Variants in PIP5KL1 observed in about 807,000 individuals in gnomAD.
The protein encoded by PIP5KL1 is phosphatidylinositol 4-phosphate 5-kinase-like protein 1.
In PIP5KL1, 45 loss-of-function variants were observed where a neutral mutation model predicts 47.6. The ratio of observed to expected loss-of-function variants is 0.94; its 90% CI spans 0.74 to 1.21. The LOEUF (loss-of-function observed/expected upper bound fraction) is 1.21. Among genes scored for constraint, PIP5KL1 ranks in the 50% most tolerant of loss-of-function variants. The pLI, the probability that PIP5KL1 is intolerant of heterozygous loss-of-function variation, is 0.00. For missense variants in PIP5KL1, 577 were observed against 547.6 expected (o/e 1.05, Z -0.54); for synonymous variants, 256 against 234.6 (o/e 1.09, Z -0.84).
At chr9:127,922,694 CA>C (rs386416269) in intron 9 of PIP5KL1, among the ~76,000 whole-genome samples, 281 of 89,520 alleles carry the variant, frequency 3.1e-3, no homozygotes, top group Admixed American at 5.5e-3. Flanking sequence ...GACTCTGTCT[CA>C]AAAAAAAAAA....
chr9:127,930,008 A>G (rs889298021), intron 1 of PIP5KL1, 123 bp from the exon 2 acceptor site: 3 of 993,912 alleles, frequency 3.0e-6, no homozygotes, highest in African/African-American at 1.6e-5. Flanking sequence ...CAATTTCTTC[A>G]GCTGTAAAAT....
In PIP5KL1 at chr9:127,929,976, T is replaced by G. The variant is rs965633194; in HGVS notation, c.31-91A>C. ...GTCCCACTTCCACTACTTGTGAGAC[T>G]TCCCCTCATCTCTCTCTGCCTCAAT... On this transcript the variant is annotated intron_variant, in intron 1 of 9. Coordinates refer to ENST00000388747, the MANE Select transcript of PIP5KL1 (RefSeq NM_001135219.2). The surrounding 1 kb of genome is among the most constrained non-coding windows in gnomAD (Gnocchi z 4.0). 8.9e-5 allele frequency: 104 copies of G among 1,164,728 alleles called. No individual in the cohort carries two copies. The highest frequency in any genetic ancestry group is 7.0e-4 in the Admixed American group (25 of 35,486). The allele number at this position is 1,164,728 out of a possible 1,614,324, so 72.1% of individuals were successfully genotyped here.
At position 127,921,815 on chromosome 9, in the gene PIP5KL1, G is replaced by C. The variant is rs1188853223; in HGVS notation, c.*32C>G. ...CCGGCGTTCCTGGCGTGAGCCCATCGTCCAGATCCGGAGAGTGGGGCCGGG... is the reference window on the plus strand; with the variant it reads ...CCGGCGTTCCTGGCGTGAGCCCATCCTCCAGATCCGGAGAGTGGGGCCGGG... On this transcript the variant is annotated 3_prime_UTR_variant, in exon 10 of 10. Coordinates refer to ENST00000388747, the MANE Select transcript of PIP5KL1 (RefSeq NM_001135219.2). 6.4e-5 allele frequency: 100 copies of C among 1,554,036 alleles called. No individual in the cohort carries two copies. The highest frequency in any genetic ancestry group is 8.4e-5 in the Non-Finnish European group (97 of 1,155,058).
rs1831384581 is a variant in PIP5KL1 at position 127,927,733 on chromosome 9, T to G, written c.474A>C (p.Arg158=). Residue 158 remains arginine, a synonymous_variant, in exon 5 of 10, where the codon CGA becomes CGC. Coordinates refer to ENST00000388747, the MANE Select transcript of PIP5KL1 (RefSeq NM_001135219.2). This position sits in a 1 kb window ranked among gnomAD's most constrained non-coding sequence, Gnocchi z 5.5. The part of the protein sequence containing the change: ...QRFFLKTQGR[R]EVQALLAHLP... Reference sequence around the variant, plus strand: ...GGTGGGCGAGCAGAGCCTGCACCTCTCGGCGCCCCTGGGTCTTCAGGAAGA... The same window carrying G: ...GGTGGGCGAGCAGAGCCTGCACCTCGCGGCGCCCCTGGGTCTTCAGGAAGA... 1 of 1,555,440 alleles carries G rather than the reference T, an allele frequency of 6.4e-7. No homozygotes were observed. Among genetic ancestry groups the G allele is most frequent in the Non-Finnish European group, 8.7e-7 (1 of 1,150,816 alleles).
intron 9 of PIP5KL1, among the ~76,000 whole-genome samples, chr9:127,922,835 T>G (rs925636751): frequency 3.3e-5 from 5 of 152,220 alleles, no homozygotes; most frequent in African/African-American, 1.2e-4. Context: ...AAATGAATTA[T>G]AGTATTTCAC....
chr9:127,927,854 T>C lies in PIP5KL1; in HGVS notation c.435-82A>G, dbSNP rs576947517. On this transcript the variant is annotated intron_variant, in intron 4 of 9. Coordinates refer to ENST00000388747, the MANE Select transcript of PIP5KL1 (RefSeq NM_001135219.2). The surrounding 1 kb of genome is among the most constrained non-coding windows in gnomAD (Gnocchi z 5.5). ...GGCCCCCTTCCCCGACCTGTGCACGTGGATCTCGCTCCCAGGTCTCGGCAC... is the reference window on the plus strand; with the variant it reads ...GGCCCCCTTCCCCGACCTGTGCACGCGGATCTCGCTCCCAGGTCTCGGCAC... 1.3e-4 allele frequency: 203 copies of C among 1,507,310 alleles called. 1 individual carries two copies. The African/African-American group carries it at 2.4e-3, about 18-fold the overall frequency. 93.4% of individuals were successfully genotyped at this position (1,507,310 alleles called of 1,614,324 possible).
rs73669496 is a variant in PIP5KL1 at position 127,927,128 on chromosome 9, G to A, written c.650+25C>T. The A allele has an allele frequency of 1.4e-5, 22 of 1,590,962 alleles. No individual in the cohort carries two copies. The highest frequency in any genetic ancestry group is 5.6e-5 in the South Asian group (5 of 89,178). ...GCCGCGAGTTTCGGCTGGGATGGGG[G>A]CCCAAACCTGCTTAGGCCACTCACC... On this transcript the variant is annotated intron_variant, in intron 7 of 9. Transcript: ENST00000388747. The surrounding 1 kb of genome is among the most constrained non-coding windows in gnomAD (Gnocchi z 5.5).
At chr9:127,922,224 C>G in intron 9 of PIP5KL1, 110 bp from the exon 10 acceptor site, 1 of 1,305,962 alleles carries the variant, frequency 7.7e-7, no homozygotes, top group Non-Finnish European at 1.0e-6. Flanking sequence ...ATTCCCACAC[C>G]TCCTGTGTGC....
chr9:127,925,488 CAG>C (rs1257042381), intron 8 of PIP5KL1: 2 of 537,140 alleles, frequency 3.7e-6, no homozygotes, highest in East Asian at 3.5e-5. Context: ...TTTTTTGAGA[CAG>C]AGTCTTGCTC....
In PIP5KL1 at chr9:127,925,870, G is replaced by T; in HGVS notation, c.760C>A (p.Leu254Met). The change falls in exon 8 of 10, where the codon CTG (leucine) becomes ATG (methionine). Residue 254 changes from leucine (L) to methionine (M), a missense_variant. Leu to Met is a conservative substitution (Grantham distance 15). Coordinates refer to ENST00000388747, the MANE Select transcript of PIP5KL1 (RefSeq NM_001135219.2). ...AGTGGCCACCCCCGTGGCTCACCCA[G>T]GTTGATGGTCTTGCCCTGAAAGTTG... Reference protein sequence around the residue: ...DLNFQGKTINLGPQRSWFLRQ... With the variant: ...DLNFQGKTINMGPQRSWFLRQ... The T allele has an allele frequency of 1.2e-6, 2 of 1,613,776 alleles. No individual in the cohort carries two copies. Among genetic ancestry groups the T allele is most frequent in the Non-Finnish European group, 1.7e-6 (2 of 1,179,778 alleles).
In PIP5KL1 at chr9:127,927,220, G is replaced by A. The variant is rs887662300; in HGVS notation, c.595-12C>T. The A allele has an allele frequency of 1.5e-5, 24 of 1,612,996 alleles. No homozygotes were observed. The highest frequency in any genetic ancestry group is 1.9e-5 in the Non-Finnish European group (22 of 1,179,806). ...ACGATGAAGTACGTCTGGGGGCCGG[G>A]ACAGGGAGTGAGGGAGGCCGGCTGT... On this transcript the variant is annotated splice_polypyrimidine_tract_variant and intron_variant, in intron 6 of 9. Coordinates refer to ENST00000388747, the MANE Select transcript of PIP5KL1 (RefSeq NM_001135219.2). The surrounding 1 kb of genome is among the most constrained non-coding windows in gnomAD (Gnocchi z 5.5).
chr9:127,928,677 C>T, intron 2 of PIP5KL1, 194 bp from the exon 3 acceptor site: 1 of 620,134 alleles, frequency 1.6e-6, no homozygotes, highest in Non-Finnish European at 2.8e-6. Context: ...GCCAGGGGGA[C>T]AAGAGTGACC....
In PIP5KL1 at chr9:127,929,083, G is replaced by A. The variant is rs974072415; in HGVS notation, c.229-600C>T. ...TGCTGAGTATTGGGGAGCCATGGAA[G>A]CTTTTCAGCAGGTGATGAGGTCAGT... is the stretch of plus-strand genomic sequence containing the variant. On this transcript the variant is annotated intron_variant, in intron 2 of 9. Coordinates refer to ENST00000388747, the MANE Select transcript of PIP5KL1 (RefSeq NM_001135219.2). The surrounding 1 kb of genome is among the most constrained non-coding windows in gnomAD (Gnocchi z 4.0). 6.6e-6 allele frequency among the ~76,000 whole-genome samples: 1 copy of A among 152,214 alleles called. No homozygotes were observed.
chr9:127,929,296 C>T lies in PIP5KL1; in HGVS notation c.228+392G>A, dbSNP rs570482776. On this transcript the variant is annotated intron_variant, in intron 2 of 9. Coordinates refer to ENST00000388747, the MANE Select transcript of PIP5KL1 (RefSeq NM_001135219.2). This position sits in a 1 kb window ranked among gnomAD's most constrained non-coding sequence, Gnocchi z 4.0. The stretch of plus-strand genomic sequence containing the variant: ...TTGGGCCACCTTTCTGCTGAGCCAG[C>T]CCTGCCTCAGCCTGAGCTCCAGAGA... Among the ~76,000 whole-genome samples, 22 of 152,288 alleles carry T rather than the reference C, an allele frequency of 1.4e-4. No homozygotes were observed. Among genetic ancestry groups the T allele is most frequent in the Middle Eastern group, 3.4e-3 (1 of 294 alleles).
At chr9:127,930,542 T>TA (rs1243415655) in intron 1 of PIP5KL1, among the ~76,000 whole-genome samples, 181 bp downstream of exon 1, 1 of 152,238 alleles carries the variant, frequency 6.6e-6, no homozygotes, top group Admixed American at 6.5e-5. Context: ...TGTTGAGGGA[T>TA]ATCCGCCAGG....
Position 127,922,095 on chromosome 9 carries a change from T to A in PIP5KL1, c.937A>T (p.Ser313Cys), listed in dbSNP as rs778864175. ...TTTTGGGCTCTCGACTCTTCCGGGC[T>A]CTGTGCCCCTTGCACAGACCTGGGG... Reference protein sequence around the residue: ...RTARSVQGAQSPEESRAQNRR... With the variant: ...RTARSVQGAQCPEESRAQNRR... The change falls in exon 10 of 10, where the codon AGC (serine) becomes TGC (cysteine). Residue 313 changes from serine to cysteine, a missense_variant. Transcript: ENST00000388747. 7.8e-5 allele frequency: 121 copies of A among 1,544,848 alleles called. 1 individual carries two copies. The highest frequency in any genetic ancestry group is 2.3e-4 in the Admixed American group (12 of 52,594).
Position 127,927,942 on chromosome 9 carries a change from G to C in PIP5KL1, c.434+123C>G. On this transcript the variant is annotated intron_variant, in intron 4 of 9. Coordinates refer to ENST00000388747, the MANE Select transcript of PIP5KL1 (RefSeq NM_001135219.2). This position sits in a 1 kb window ranked among gnomAD's most constrained non-coding sequence, Gnocchi z 5.5. The stretch of plus-strand genomic sequence containing the variant: ...CCCGATCTGTCCACCATCCGGCCCT[G>C]ACCCTCCCAGATTAGGGCCGCTCTG... 6.9e-7 allele frequency: 1 copy of C among 1,442,082 alleles called. No homozygotes were observed. 89.3% of individuals were successfully genotyped at this position (1,442,082 alleles called of 1,614,324 possible).
intron 7 of PIP5KL1, among the ~76,000 whole-genome samples, chr9:127,926,763 C>CG (rs975540860): frequency 2.0e-5 from 3 of 152,274 alleles, no homozygotes; most frequent in East Asian, 1.9e-4. Flanking sequence ...AGCCAATGGC[C>CG]GGGGGGCGGG....
In PIP5KL1 at chr9:127,921,735, G is replaced by T; in HGVS notation, c.*112C>A. On this transcript the variant is annotated 3_prime_UTR_variant, in exon 10 of 10. Transcript: ENST00000388747. ...GTTACGGTATTAGTTAGGGGATGCT[G>T]CCCTCTGGCGACCATCAGGAGGAAG... The T allele has an allele frequency of 7.2e-7, 1 of 1,383,998 alleles. No homozygotes were observed. Among genetic ancestry groups the T allele is most frequent in the Non-Finnish European group, 9.6e-7 (1 of 1,042,560 alleles). 85.7% of individuals were successfully genotyped at this position (1,383,998 alleles called of 1,614,324 possible).
Sources: gnomAD v4.1 joint callset for allele counts (sites outside exome capture counted in the v4.1 genomes callset) on GRCh38, gnomAD v4.1.1 for gene constraint, Gnocchi (gnomAD v3.1) non-coding constraint, MANE v1.5 for transcripts, NCBI Gene and HGNC (gene_info 2026-07-23, HGNC 2026-07-21) for gene names.